The following DNHD1 variants were observed in gnomAD, a reference collection of about 807,000 sequenced individuals.
DNHD1 encodes dynein heavy chain domain 1.
A neutral mutation model predicts 458.1 loss-of-function variants in DNHD1; 383 were observed. The observed-to-expected ratio is 0.84, with a 90% confidence interval of 0.77 to 0.91. The LOEUF is 0.91. Ranked by LOEUF, DNHD1 falls within the 40% of genes least tolerant of loss-of-function variation. The pLI is 0.00. For synonymous variants in DNHD1, 2,203 were observed against 2,376.9 expected (o/e 0.93, Z 2.13); for missense variants, 5,336 against 5,866.1 (o/e 0.91, Z 2.95).
At position 6,547,455 on chromosome 11, in the gene DNHD1, C is replaced by T; in HGVS notation, c.6516C>T (p.His2172=). 5 of 1,551,406 alleles carry T rather than the reference C, an allele frequency of 3.2e-6. No individual in the cohort carries two copies. The highest frequency in any genetic ancestry group is 4.4e-6 in the Non-Finnish European group (5 of 1,146,720). Residue 2172 remains histidine (H), a synonymous_variant, in exon 21 of 43, where the codon CAC becomes CAT. Transcript: ENST00000254579. ...ASLPYEYRLQ[H]RTVAELNHMA... is the part of the protein sequence containing the mutation. ...TTCCTTATGAGTACCGCCTGCAGCACCGGACAGTCGCTGAGCTCAACCACA... is the reference window on the plus strand; with the variant it reads ...TTCCTTATGAGTACCGCCTGCAGCATCGGACAGTCGCTGAGCTCAACCACA...
At chr11:6,566,018 G>T in intron 33 of DNHD1, 27 bp downstream of exon 33, 1 of 1,473,022 alleles carries the variant, frequency 6.8e-7, no homozygotes, top group African/African-American at 1.4e-5. Flanking sequence ...ACCCACCCTG[G>T]CCCCTTTTTG....
Position 6,533,822 on chromosome 11 carries a change from G to A in DNHD1, c.2647G>A (p.Gly883Arg), listed in dbSNP as rs529465208. The change falls in exon 14 of 43, where the codon GGG becomes AGG. Residue 883 changes from glycine (G) to arginine (R), a missense_variant. Transcript: ENST00000254579. ...GGACATCTCGGTGAGAAGGCAATTCGGGGAGTCACCCATCCCTCCCTGCCC... is the reference window on the plus strand; with the variant it reads ...GGACATCTCGGTGAGAAGGCAATTCAGGGAGTCACCCATCCCTCCCTGCCC... ...ALDISVRRQF[G>R]ESPIPPCPPP... 4.3e-5 allele frequency: 67 copies of A among 1,550,914 alleles called. No individual in the cohort carries two copies. The East Asian group carries it at 4.6e-4, about 11-fold the overall frequency.
In DNHD1 at chr11:6,567,249, C is replaced by A; in HGVS notation, c.11740C>A (p.Leu3914Met). The A allele has an allele frequency of 6.2e-7, 1 of 1,614,022 alleles. No individual in the cohort carries two copies. Among genetic ancestry groups the A allele is most frequent in the African/African-American group, 1.3e-5 (1 of 75,064 alleles). Residue 3914 changes from leucine to methionine, a missense_variant, in exon 36 of 43, where the codon CTG (leucine) becomes ATG (methionine). Leu to Met is a conservative substitution (Grantham distance 15). Transcript: ENST00000254579. Reference sequence around the variant, plus strand: ...CCATCTACTGCAATTGAGAGCACACCTGACCCGCCAGCTGCTGGGCAGCAC... The same window carrying A: ...CCATCTACTGCAATTGAGAGCACACATGACCCGCCAGCTGCTGGGCAGCAC... The part of the protein sequence containing the change: ...ASHLLQLRAH[L>M]TRQLLGSTVT...
In DNHD1 at chr11:6,570,057, G is replaced by C. The variant is rs1853804450; in HGVS notation, c.12912G>C (p.Trp4304Cys). The C allele has an allele frequency of 3.6e-5, 58 of 1,613,906 alleles. No individual in the cohort carries two copies. Among genetic ancestry groups the C allele is most frequent in the Non-Finnish European group, 4.6e-5 (54 of 1,179,870 alleles). ...TTCTTCAGACCCAAGACCAGCTGTG[G>C]GCAAGTCTTAGCAATCCCCGTGCTG... ...TQVLQTQDQL[W>C]ASLSNPRAAM... is the part of the protein sequence containing the mutation. The change falls in exon 40 of 43, where the codon TGG becomes TGC. Residue 4304 changes from tryptophan (W) to cysteine (C), a missense_variant. This residue lies in a region of DNHD1 where 698 missense variants were observed against 664.9 expected (regional missense o/e 1.05). Transcript: ENST00000254579.
intron 7 of DNHD1, among the ~76,000 whole-genome samples, chr11:6,518,402 G>C (rs949820661): frequency 6.6e-6 from 1 of 152,114 alleles, no homozygotes; most frequent in Non-Finnish European, 1.5e-5. Context: ...ATCACCCCTA[G>C]TATTGGTGCT....
chr11:6,537,287 A>T (rs1474758966), intron 14 of DNHD1, among the ~76,000 whole-genome samples: 1 of 152,192 alleles, frequency 6.6e-6, no homozygotes, highest in African/African-American at 2.4e-5. Context: ...CAGGTCCTCT[A>T]TGTGGGCCAG....
At position 6,533,125 on chromosome 11, in the gene DNHD1, A is replaced by G; in HGVS notation, c.2446A>G (p.Met816Val). 3.2e-6 allele frequency: 5 copies of G among 1,551,670 alleles called. No homozygotes were observed. The highest frequency in any genetic ancestry group is 4.4e-6 in the Non-Finnish European group (5 of 1,146,982). ...QQLMTELTDF[M>V]HIFRTINSDI... Reference sequence around the variant, plus strand: ...ACTCATGACAGAGCTCACAGATTTCATGCATATCTTCCGAACCATCAACTC... The same window carrying G: ...ACTCATGACAGAGCTCACAGATTTCGTGCATATCTTCCGAACCATCAACTC... Residue 816 changes from methionine (M) to valine (V), a missense_variant, in exon 13 of 43, where the codon ATG becomes GTG. Coordinates refer to ENST00000254579, the MANE Select transcript of DNHD1 (RefSeq NM_144666.3).
rs1410767789 is a variant in DNHD1, at chr11:6,565,808, G to C, written c.10870G>C (p.Glu3624Gln). 1 of 1,551,710 alleles carries C rather than the reference G, an allele frequency of 6.4e-7. No individual in the cohort carries two copies. Among genetic ancestry groups the C allele is most frequent in the African/African-American group, 1.4e-5 (1 of 73,160 alleles). ...AEDQTKEQKA[E>Q]ERKNEQEKEQ... is the part of the protein sequence containing the mutation. ...GGACCAGACAAAAGAGCAGAAGGCA[G>C]AGGAAAGAAAAAATGAGCAGGAGAA... The change falls in exon 33 of 43, where the codon GAG (glutamate) becomes CAG (glutamine). Residue 3624 changes from glutamate (E) to glutamine (Q), a missense_variant. Glu to Gln is a conservative substitution (Grantham distance 29). Transcript: ENST00000254579.
At chr11:6,515,066 A>C (rs887257171) in intron 7 of DNHD1, among the ~76,000 whole-genome samples, 5 of 152,198 alleles carry the variant, frequency 3.3e-5, no homozygotes, top group Non-Finnish European at 7.3e-5. Context: ...CATGTGAGTT[A>C]AGCCCTCTTA....
intron 25 of DNHD1, 26 bp downstream of exon 25, chr11:6,558,323 A>G (rs1853513727): frequency 1.3e-6 from 2 of 1,545,556 alleles, no homozygotes; most frequent in East Asian, 4.9e-5. Context: ...CCATATGCGA[A>G]TCTGCTCTGC....
rs530730812 is a variant in DNHD1, at chr11:6,564,168, T to C, written c.10284+44T>C. ...GATGTCTCCCCCAAAGTTCCTTTTATGCCGTTCGCCTGCTCCTCCCTGTGC... is the reference window on the plus strand; with the variant it reads ...GATGTCTCCCCCAAAGTTCCTTTTACGCCGTTCGCCTGCTCCTCCCTGTGC... On this transcript the variant is annotated intron_variant, in intron 31 of 42. Coordinates refer to ENST00000254579, the MANE Select transcript of DNHD1 (RefSeq NM_144666.3). 25 of 1,532,672 alleles carry C rather than the reference T, an allele frequency of 1.6e-5. No individual in the cohort carries two copies. In the East Asian group the frequency reaches 5.7e-4, roughly 35 times the overall value. 94.9% of individuals were successfully genotyped at this position (1,532,672 alleles called of 1,614,324 possible).
rs1417652480 is a variant in DNHD1 at position 6,556,700 on chromosome 11, C to CA, written c.7406dup (p.Pro2470AlafsTer42). 6.5e-7 allele frequency: 1 copy of CA among 1,543,370 alleles called. No individual in the cohort carries two copies. The highest frequency in any genetic ancestry group is 1.2e-5 in the South Asian group (1 of 83,888). On this transcript the variant is annotated frameshift_variant, in exon 25 of 43. Coordinates refer to ENST00000254579, the MANE Select transcript of DNHD1 (RefSeq NM_144666.3). LOFTEE classifies it high-confidence loss of function. ...TCCCATAGACCCAGAGAAGAGCTGC[C>CA]AGCCAGTGTTGGAGACTCTGCGCCA...
At chr11:6,549,521 C>T (rs1375512888) in intron 24 of DNHD1, among the ~76,000 whole-genome samples, 1 of 152,214 alleles carries the variant, frequency 6.6e-6, no homozygotes, top group African/African-American at 2.4e-5. Flanking sequence ...TTGGACTTAA[C>T]AAGTCAGGCT....
intron 24 of DNHD1, 115 bp downstream of exon 24, chr11:6,549,048 C>A: frequency 8.5e-7 from 1 of 1,178,636 alleles, no homozygotes; most frequent in Non-Finnish European, 1.2e-6. Flanking sequence ...CTTTAGTGTT[C>A]TGTTCTTAAT....
chr11:6,539,848 C>T (rs546786335), intron 17 of DNHD1, 28 bp from the exon 18 acceptor site: 5 of 1,549,604 alleles, frequency 3.2e-6, no homozygotes, highest in Non-Finnish European at 4.4e-6. Context: ...GTTACCCAGT[C>T]CTGGTTCCTG....
At chr11:6,547,758 G>A in intron 21 of DNHD1, 92 bp downstream of exon 21, 1 of 1,489,166 alleles carries the variant, frequency 6.7e-7, no homozygotes, top group Non-Finnish European at 9.0e-7. Context: ...TTCTTTGGTG[G>A]ATCTGGGCCA....
At chr11:6,515,438 GTC>G (rs2134386499) in intron 7 of DNHD1, among the ~76,000 whole-genome samples, 1 of 152,098 alleles carries the variant, frequency 6.6e-6, no homozygotes, top group African/African-American at 2.4e-5. Context: ...CTTCTGTTTA[GTC>G]TCTCTTATAT....
Position 6,557,126 on chromosome 11 carries a change from C to T in DNHD1, c.7831C>T (p.Arg2611Ter), listed in dbSNP as rs1003144542. 3.4e-5 allele frequency: 52 copies of T among 1,551,618 alleles called. No individual in the cohort carries two copies. The highest frequency in any genetic ancestry group is 1.9e-4 in the South Asian group (16 of 84,062). Residue 2611 changes from arginine (R) to a stop codon, truncating the protein, a stop_gained, in exon 25 of 43, where the codon CGA (arginine) becomes TGA (stop). Transcript: ENST00000254579. LOFTEE classifies it high-confidence loss of function. ...LQLLPNRTGSRGFVDYPNHQE... is the reference protein window; with the variant it reads ...LQLLPNRTGS ...GCTGCTGCCCAACAGAACAGGCTCC[C>T]GAGGTTTTGTGGACTATCCCAACCA...
At position 6,498,579 on chromosome 11, in the gene DNHD1, C is replaced by A; in HGVS notation, c.364C>A (p.Leu122Ile). 1 of 1,614,228 alleles carries A rather than the reference C, an allele frequency of 6.2e-7. No homozygotes were observed. Among genetic ancestry groups the A allele is most frequent in the Non-Finnish European group, 8.5e-7 (1 of 1,180,032 alleles). ...CTGGGCACCCTGGGTCCAAACCCAC[C>A]TCCATCTGGACCTGCTAGGTGCCAT... ...YCWAPWVQTH[L>I]HLDLLGAIVQ... The change falls in exon 3 of 43, where the codon CTC becomes ATC. Residue 122 changes from leucine (L) to isoleucine (I), a missense_variant. This residue lies in a region of DNHD1 where 3,932 missense variants were observed against 4,365.6 expected (regional missense o/e 0.90). Coordinates refer to ENST00000254579, the MANE Select transcript of DNHD1 (RefSeq NM_144666.3).
Sources: gnomAD v4.1 joint callset for allele counts (sites outside exome capture counted in the v4.1 genomes callset) on GRCh38, gnomAD v4.1.1 for gene constraint, gnomAD v4.1.1 regional missense constraint, MANE v1.5 for transcripts, NCBI Gene and HGNC (gene_info 2026-07-23, HGNC 2026-07-21) for gene names.